OTOG: variants seen among roughly 807,000 people sequenced by gnomAD.
OTOG encodes otogelin.
In OTOG, 296 loss-of-function variants were observed where a neutral mutation model predicts 313.8. That is an observed-to-expected ratio of 0.94 (90% CI 0.86 to 1.04). The LOEUF is 1.04. Ranked by LOEUF, OTOG falls within the 50% of genes least tolerant of loss-of-function variation. OTOG has a pLI of 0.00. For synonymous variants in OTOG, 1,533 were observed against 1,554.9 expected, an observed-to-expected ratio of 0.99 and a Z score of 0.33; for missense variants, 3,948 against 3,840.1, an observed-to-expected ratio of 1.03 and a Z score of -0.74.
At chr11:17,607,189 C>A (rs914184006) in intron 33 of OTOG, among the ~76,000 whole-genome samples, 1 of 152,254 alleles carries the variant, frequency 6.6e-6, no homozygotes, top group African/African-American at 2.4e-5. Context: ...AGGTGCTCCC[C>A]AAATGTAAGT....
intron 39 of OTOG, among the ~76,000 whole-genome samples, chr11:17,622,606 G>A (rs766384142): frequency 6.6e-6 from 1 of 152,044 alleles, no homozygotes; most frequent in Non-Finnish European, 1.5e-5. Flanking sequence ...AACATGTTAG[G>A]TTTGTCTTTC....
Position 17,596,051 on chromosome 11 carries a change from T to C in OTOG, c.3422T>C (p.Leu1141Pro), listed in dbSNP as rs1303215141. The C allele has an allele frequency of 6.4e-7, 1 of 1,550,724 alleles. No homozygotes were observed. Among genetic ancestry groups the C allele is most frequent in the Admixed American group, 2.0e-5 (1 of 50,984 alleles). The change falls in exon 29 of 56, where the codon CTC becomes CCC. Residue 1141 changes from leucine to proline, a missense_variant. Physicochemically the swap from Leu to Pro is moderately conservative, Grantham distance 98. Transcript: ENST00000399397. ...SWAAVECPDT[L>P]DPRDMCVLNP... ...TTTGCCCCTCAGTGCCCAGACACCC[T>C]CGATCCTCGGGATATGTGTGTCCTG...
chr11:17,553,102 CTG>C lies in OTOG; in HGVS notation c.293-13_293-12del. 1 of 1,550,010 alleles carries C rather than the reference CTG, an allele frequency of 6.5e-7. No individual in the cohort carries two copies. Among genetic ancestry groups the C allele is most frequent in the Non-Finnish European group, 8.7e-7 (1 of 1,146,632 alleles). On this transcript the variant is annotated splice_polypyrimidine_tract_variant and intron_variant, in intron 4 of 55. Transcript: ENST00000399397. Reference sequence around the variant, plus strand: ...ATCTCAGCTTGATGGGGCAATGACTCTGTGTCTCCCATGCAGACTTGTTCTCC... The same window carrying C: ...ATCTCAGCTTGATGGGGCAATGACTCTGTCTCCCATGCAGACTTGTTCTCC...
At chr11:17,552,312 C>T (rs1295628222) in intron 4 of OTOG, among the ~76,000 whole-genome samples, 3 of 152,188 alleles carry the variant, frequency 2.0e-5, no homozygotes, top group Non-Finnish European at 4.4e-5. Flanking sequence ...CGGGACTGCC[C>T]CCTCACAGGC....
intron 11 of OTOG, 107 bp downstream of exon 11, chr11:17,559,268 C>G: frequency 2.0e-6 from 2 of 1,020,274 alleles, no homozygotes; most frequent in Non-Finnish European, 2.8e-6. Flanking sequence ...TATCAGAACT[C>G]TCAGCCCCGA....
At chr11:17,633,316 A>G (rs1377451524) in intron 42 of OTOG, among the ~76,000 whole-genome samples, 2 of 152,250 alleles carry the variant, frequency 1.3e-5, no homozygotes, top group African/African-American at 4.8e-5. Flanking sequence ...TTCGGTAAAG[A>G]GCCAGAAAGT....
At chr11:17,579,225 G>T (rs1243337554) in intron 23 of OTOG, among the ~76,000 whole-genome samples, 1 of 152,214 alleles carries the variant, frequency 6.6e-6, no homozygotes, top group African/African-American at 2.4e-5. Context: ...GCAGAGATTA[G>T]TGGTCACCCG....
At chr11:17,602,495 G>T in intron 32 of OTOG, 118 bp downstream of exon 32, 3 of 1,177,644 alleles carry the variant, frequency 2.5e-6, no homozygotes, top group Non-Finnish European at 3.5e-6. Flanking sequence ...GCTCCGACAA[G>T]TGCCCCTCTC....
chr11:17,549,570 G>A (rs1288023214), intron 3 of OTOG, among the ~76,000 whole-genome samples: 1 of 152,204 alleles, frequency 6.6e-6, no homozygotes, highest in Non-Finnish European at 1.5e-5. Context: ...GATGACTTGT[G>A]GGGGCCCTGC....
chr11:17,565,320 T>A (rs572979771), intron 15 of OTOG, among the ~76,000 whole-genome samples: 3 of 152,286 alleles, frequency 2.0e-5, no homozygotes, highest in East Asian at 3.9e-4. Context: ...TTTCTCATGG[T>A]TTGACTGGGG....
At chr11:17,625,859 T>C (rs1389079469) in intron 39 of OTOG, among the ~76,000 whole-genome samples, 1 of 152,182 alleles carries the variant, frequency 6.6e-6, no homozygotes, top group Non-Finnish European at 1.5e-5. Context: ...GGGGTATTAT[T>C]CAAGAAATTT....
Position 17,593,615 on chromosome 11 carries a change from A to G in OTOG, c.3147A>G (p.Pro1049=). 3 of 1,548,950 alleles carry G rather than the reference A, an allele frequency of 1.9e-6. No homozygotes were observed. The highest frequency in any genetic ancestry group is 2.6e-6 in the Non-Finnish European group (3 of 1,146,968). Residue 1049 remains proline (P), a synonymous_variant, in exon 27 of 56, where the codon CCA becomes CCG. Transcript: ENST00000399397. The part of the protein sequence containing the change: ...VFDDDSGNPS[P]ESFLDDKQEV... ...GACCATCTCTGTCCCTCTAGAGTCC[A>G]GAGAGCTTCCTGGATGACAAGCAGG...
intron 38 of OTOG, among the ~76,000 whole-genome samples, chr11:17,613,401 T>A (rs1453723771): frequency 8.3e-6 from 1 of 120,658 alleles, no homozygotes; most frequent in African/African-American, 4.0e-5. Context: ...TCCTTCCTTT[T>A]TTTCTGTTTT....
chr11:17,584,623 C>A (rs1175800055), intron 23 of OTOG, among the ~76,000 whole-genome samples: 1 of 151,882 alleles, frequency 6.6e-6, no homozygotes, highest in Non-Finnish European at 1.5e-5. Flanking sequence ...CCTCCCAGGT[C>A]TAACTGACTT....
At chr11:17,635,246 C>A in intron 46 of OTOG, 59 bp downstream of exon 46, 3 of 1,375,190 alleles carry the variant, frequency 2.2e-6, no homozygotes, top group African/African-American at 1.4e-5. Flanking sequence ...GCCGGCCTCA[C>A]CCCTGTGTCC....
intron 24 of OTOG, among the ~76,000 whole-genome samples, chr11:17,587,525 C>A (rs958751035): frequency 6.6e-6 from 1 of 152,206 alleles, no homozygotes; most frequent in African/African-American, 2.4e-5. Context: ...CTCAGAGACC[C>A]ATCTGGCTAG....
rs760322372 is a variant in OTOG at position 17,555,747 on chromosome 11, C to T, written c.541-32C>T. 3.3e-6 allele frequency: 5 copies of T among 1,522,624 alleles called. No individual in the cohort carries two copies. The South Asian group carries it at 4.8e-5, about 15-fold the overall frequency. 94.3% of individuals were successfully genotyped at this position (1,522,624 alleles called of 1,614,324 possible). ...CTCAGGGTCAGGCCTGTGGCAGGAG[C>T]CTGCAAACCAGCCTCTGAACTCCCT... On this transcript the variant is annotated intron_variant, in intron 6 of 55. Transcript: ENST00000399397.
intron 16 of OTOG, among the ~76,000 whole-genome samples, chr11:17,569,869 A>G (rs1158121840): frequency 6.6e-6 from 1 of 152,232 alleles, no homozygotes; most frequent in Admixed American, 6.5e-5. Flanking sequence ...TGTTGTGGCC[A>G]CTGTGAAGAG....
At chr11:17,549,795 G>A (rs146658173) in intron 3 of OTOG, among the ~76,000 whole-genome samples, 105 of 152,206 alleles carry the variant, frequency 6.9e-4, no homozygotes, top group African/African-American at 2.5e-3. Context: ...GGTTTCTCAC[G>A]CTGCTCCTCA....
Sources: allele counts gnomAD v4.1 joint callset (sites outside exome capture counted in the v4.1 genomes callset), GRCh38; gene constraint gnomAD v4.1.1; transcripts MANE v1.5; gene names NCBI Gene and HGNC (gene_info 2026-07-23, HGNC 2026-07-21).